ZFHX3: variants seen among roughly 807,000 people sequenced by gnomAD.
ZFHX3 encodes the protein zinc finger homeobox 3.
ZFHX3 carries 42 observed loss-of-function variants against 279.1 expected under a neutral mutation model. The observed-to-expected ratio is 0.15, with a 90% CI of 0.12 to 0.19. The LOEUF is 0.19. ZFHX3 is among the 10% of genes least tolerant of loss of function. The pLI is 1.00. For synonymous variants in ZFHX3, 2,293 were observed against 1,957.8 expected, an observed-to-expected ratio of 1.17 and a Z score of -4.52; for missense variants, 4,981 against 4,754.0, an observed-to-expected ratio of 1.05 and a Z score of -1.40.
chr16:73,697,075 A>C (rs2053204344), intron 1 of ZFHX3, among the ~76,000 whole-genome samples: 1 of 152,182 alleles, frequency 6.6e-6, no homozygotes. Context: ...TTGTTGGAGA[A>C]ATTATAGAAA....
intron 2 of ZFHX3, among the ~76,000 whole-genome samples, chr16:73,641,453 G>A (rs1465130609): frequency 1.3e-5 from 2 of 152,174 alleles, no homozygotes; most frequent in Non-Finnish European, 2.9e-5. Context: ...CCCGATGGAA[G>A]GTTCTACTGG....
At chr16:72,836,242 A>G (rs1453062401) in intron 4 of ZFHX3, among the ~76,000 whole-genome samples, 2 of 152,170 alleles carry the variant, frequency 1.3e-5, no homozygotes, top group Non-Finnish European at 2.9e-5. Context: ...GTGGAGTCTC[A>G]TCGAATAGTG....
In ZFHX3 at chr16:72,887,839, G is replaced by A. The variant is rs564136474; in HGVS notation, c.3448+1892C>T. On this transcript the variant is annotated intron_variant, in intron 4 of 9. Coordinates refer to ENST00000268489, the MANE Select transcript of ZFHX3 (RefSeq NM_006885.4). ...TCTGTGGGCTGTGTATGTGAGCGTG[G>A]ATGGAATGTGTAGGATGCAGAGAAA... 3.3e-5 allele frequency among the ~76,000 whole-genome samples: 5 copies of A among 152,108 alleles called. No individual in the cohort carries two copies. In the South Asian group the frequency reaches 1.0e-3, roughly 32 times the overall value.
intron 3 of ZFHX3, among the ~76,000 whole-genome samples, chr16:72,904,014 A>T (rs995090160): frequency 6.6e-5 from 10 of 152,164 alleles, no homozygotes; most frequent in African/African-American, 2.4e-4. Flanking sequence ...ACAGCATCCC[A>T]CAGGCTGGGA....
chr16:72,877,787 C>G (rs1355433886), intron 4 of ZFHX3, among the ~76,000 whole-genome samples: 1 of 152,236 alleles, frequency 6.6e-6, no homozygotes, highest in African/African-American at 2.4e-5. Flanking sequence ...CAGGCCCCTC[C>G]TCCTTGCAGT....
intron 2 of ZFHX3, among the ~76,000 whole-genome samples, chr16:73,527,570 C>A (rs758755041): frequency 3.3e-5 from 5 of 152,202 alleles, no homozygotes; most frequent in African/African-American, 1.2e-4. Context: ...TAGGGGCTCA[C>A]TTCAGTCGAA....
chr16:73,840,348 G>A (rs1046383885), intron 1 of ZFHX3, among the ~76,000 whole-genome samples: 1 of 152,108 alleles, frequency 6.6e-6, no homozygotes, highest in Non-Finnish European at 1.5e-5. Flanking sequence ...GAAAAGGCAG[G>A]CAGTGGGACC....
intron 1 of ZFHX3, among the ~76,000 whole-genome samples, chr16:73,027,786 C>T (rs896257028): frequency 2.0e-5 from 3 of 152,152 alleles, no homozygotes; most frequent in Admixed American, 2.0e-4. Flanking sequence ...GGTTCCCTCA[C>T]TTTGAGATAT....
intron 1 of ZFHX3, among the ~76,000 whole-genome samples, chr16:73,683,061 T>C (rs1597064220): frequency 6.6e-6 from 1 of 151,948 alleles, no homozygotes; most frequent in Non-Finnish European, 1.5e-5. Flanking sequence ...TGCATGATTT[T>C]TGAAGATAGA....
chr16:73,623,076 G>A (rs927307441), intron 2 of ZFHX3, among the ~76,000 whole-genome samples: 2 of 150,048 alleles, frequency 1.3e-5, no homozygotes, highest in African/African-American at 2.5e-5. Context: ...TGGCTCTTTC[G>A]CCCAGGCCGA....
intron 9 of ZFHX3, chr16:72,789,154 A>G: frequency 7.3e-6 from 2 of 274,926 alleles, no homozygotes; most frequent in Non-Finnish European, 6.7e-6. Flanking sequence ...GTCCTAGGTC[A>G]GCTCCCATAC....
intron 5 of ZFHX3, among the ~76,000 whole-genome samples, chr16:73,161,340 G>T (rs533947801): frequency 3.5e-4 from 53 of 152,172 alleles, no homozygotes; most frequent in African/African-American, 1.3e-3. Flanking sequence ...AACCACCTCG[G>T]ATCATGGAGC....
intron 4 of ZFHX3, among the ~76,000 whole-genome samples, chr16:73,308,340 C>CA (rs997388554): frequency 1.5e-4 from 21 of 142,612 alleles, no homozygotes; most frequent in Non-Finnish European, 2.6e-4. Flanking sequence ...TGCAATGGCG[C>CA]AATCTCTGCT....
At chr16:73,780,163 G>A (rs1228899482) in intron 1 of ZFHX3, among the ~76,000 whole-genome samples, 1 of 48,576 alleles carries the variant, frequency 2.1e-5, no homozygotes, top group Admixed American at 3.4e-4. Flanking sequence ...TTTTTTTGAG[G>A]CAGAGTCTTG....
At chr16:73,267,723 G>C (rs1597252871) in intron 4 of ZFHX3, among the ~76,000 whole-genome samples, 2 of 152,316 alleles carry the variant, frequency 1.3e-5, no homozygotes, top group Admixed American at 1.3e-4. Context: ...GCTAGACCTT[G>C]AGGGGACGCT....
chr16:73,127,669 A>G, intron 7 of ZFHX3: 3 of 1,201,138 alleles, frequency 2.5e-6, no homozygotes, highest in Non-Finnish European at 3.2e-6. Context: ...TAATTAGTTC[A>G]TTTAAAACCC....
chr16:73,779,189 T>C (rs944773504), intron 1 of ZFHX3, among the ~76,000 whole-genome samples: 9 of 152,180 alleles, frequency 5.9e-5, no homozygotes, highest in African/African-American at 2.2e-4. Flanking sequence ...AAAGTATATC[T>C]TGGGAATTCT....
intron 1 of ZFHX3, among the ~76,000 whole-genome samples, chr16:73,717,885 C>G (rs891661522): frequency 2.6e-5 from 4 of 152,214 alleles, no homozygotes; most frequent in Non-Finnish European, 2.9e-5. Context: ...ATGCAGCCCT[C>G]CAGCCTGTGG....
chr16:72,902,655 A>T (rs1597362671), intron 3 of ZFHX3, among the ~76,000 whole-genome samples: 2 of 152,174 alleles, frequency 1.3e-5, no homozygotes, highest in Non-Finnish European at 2.9e-5. Flanking sequence ...ACACCAATTA[A>T]TCATTCCAAT....
Sources: gnomAD v4.1 joint callset for allele counts (sites outside exome capture counted in the v4.1 genomes callset) on GRCh38, gnomAD v4.1.1 for gene constraint, MANE v1.5 for transcripts, NCBI Gene and HGNC (gene_info 2026-07-23, HGNC 2026-07-21) for gene names.